LYPLAL1: variants seen among roughly 807,000 people sequenced by gnomAD.
LYPLAL1 encodes lysophospholipase like 1.
LYPLAL1 carries 23 observed loss-of-function variants against 19.7 expected under a neutral mutation model. The ratio of observed to expected loss-of-function variants is 1.17; its 90% CI spans 0.84 to 1.65. LYPLAL1 has a LOEUF of 1.65. LYPLAL1 is among the 40% of genes most tolerant of loss of function. The probability of loss-of-function intolerance (pLI) is 0.00; values close to 1 mark genes in which losing one functional copy is unlikely to be tolerated. For synonymous variants in LYPLAL1, 119 were observed against 96.3 expected (o/e 1.24, Z -1.38); for missense variants, 355 against 279.4 (o/e 1.27, Z -1.93).
At chr1:219,241,134 C>CTCTATATATA in the LYPLAL1 span, among the ~76,000 whole-genome samples, 66 of 44,354 alleles carry the variant, frequency 1.5e-3, no homozygotes, top group African/African-American at 2.2e-3. Flanking sequence ...CTCTCTCTCT[C>CTCTATATATA]TATATATATA....
the LYPLAL1 span, among the ~76,000 whole-genome samples, chr1:219,292,095 T>C: frequency 6.6e-6 from 1 of 152,146 alleles, no homozygotes; most frequent in Non-Finnish European, 1.5e-5. Context: ...CTCACCCGTC[T>C]TTTGCTCCTC....
downstream of LYPLAL1, among the ~76,000 whole-genome samples, chr1:219,216,041 G>T (rs1052804078): frequency 7.2e-5 from 11 of 151,936 alleles, no homozygotes; most frequent in African/African-American, 2.4e-4. Flanking sequence ...TTTTCCTTCT[G>T]CCTGAAATAC....
At chr1:219,381,402 A>G in the LYPLAL1 span, among the ~76,000 whole-genome samples, 1 of 152,236 alleles carries the variant, frequency 6.6e-6, no homozygotes. Flanking sequence ...ATGGACTAAC[A>G]CAAGCCCAAT....
chr1:219,369,820 C>T, the LYPLAL1 span, among the ~76,000 whole-genome samples: 78,970 of 152,022 alleles, frequency 0.52, 21,223 homozygotes, highest in East Asian at 0.84. Flanking sequence ...GACTGTGATA[C>T]GAATTAGAAC....
the LYPLAL1 span, among the ~76,000 whole-genome samples, chr1:219,373,665 T>C: frequency 6.6e-6 from 1 of 152,114 alleles, no homozygotes; most frequent in Admixed American, 6.6e-5. Flanking sequence ...ACACTTACAT[T>C]CATGCTTCTG....
In LYPLAL1 at chr1:219,179,155, G is replaced by A; in HGVS notation, c.100G>A (p.Gly34Arg). 6.2e-7 allele frequency: 1 copy of A among 1,604,744 alleles called. No homozygotes were observed. The highest frequency in any genetic ancestry group is 8.5e-7 in the Non-Finnish European group (1 of 1,176,194). The change falls in exon 2 of 5, where the codon GGA becomes AGA. Residue 34 changes from glycine (G) to arginine (R), a missense_variant. By Grantham distance (125) the Gly-to-Arg change is moderately radical. Transcript: ENST00000366928. ...LIFLHGSGDS[G>R]QGLRMWIKQV... ...ATTTTTTGATTCATCAGGTGATTCT[G>A]GACAAGGATTAAGAATGTGGATCAA... is the stretch of plus-strand genomic sequence containing the variant.
the LYPLAL1 span, among the ~76,000 whole-genome samples, chr1:219,316,424 G>A: frequency 6.6e-6 from 1 of 152,102 alleles, no homozygotes; most frequent in Non-Finnish European, 1.5e-5. Context: ...TGTCTTGTCT[G>A]GATTTAGTAT....
the LYPLAL1 span, among the ~76,000 whole-genome samples, chr1:219,362,951 C>CA: frequency 1.9e-3 from 269 of 141,704 alleles, no homozygotes; most frequent in South Asian, 3.3e-3. Flanking sequence ...TGGATGAATG[C>CA]AAAAAAAAAA....
the LYPLAL1 span, among the ~76,000 whole-genome samples, chr1:219,300,994 A>G: frequency 1.3e-5 from 2 of 151,910 alleles, no homozygotes; most frequent in African/African-American, 2.4e-5. Flanking sequence ...GGCCTAGATG[A>G]CAGGATCACT....
the LYPLAL1 span, among the ~76,000 whole-genome samples, chr1:219,350,674 A>G: frequency 6.6e-6 from 1 of 152,246 alleles, no homozygotes; most frequent in African/African-American, 2.4e-5. Flanking sequence ...CGATATGCAG[A>G]TGTTGGAGGT....
At chr1:219,296,923 T>C in the LYPLAL1 span, among the ~76,000 whole-genome samples, 1 of 152,108 alleles carries the variant, frequency 6.6e-6, no homozygotes, top group African/African-American at 2.4e-5. Flanking sequence ...TAAGCCAGGG[T>C]CTTTGGAAAA....
At chr1:219,272,257 C>T in the LYPLAL1 span, 1 of 152,352 alleles carries the variant, frequency 6.6e-6, no homozygotes, top group East Asian at 1.9e-4. Flanking sequence ...CACAGATCCA[C>T]AGAGAGTAGA....
the LYPLAL1 span, among the ~76,000 whole-genome samples, chr1:219,379,178 CTAAT>C: frequency 6.6e-6 from 1 of 152,300 alleles, no homozygotes; most frequent in Admixed American, 6.5e-5. Flanking sequence ...CTGTTAACCT[CTAAT>C]TCACTATTTT....
At chr1:219,234,794 T>C in the LYPLAL1 span, among the ~76,000 whole-genome samples, 111,023 of 151,976 alleles carry the variant, frequency 0.73, 41,353 homozygotes, top group East Asian at 0.93. Flanking sequence ...CTTAGGAACA[T>C]TTATTCATGT....
the LYPLAL1 span, among the ~76,000 whole-genome samples, chr1:219,261,975 A>T: frequency 2.6e-5 from 4 of 152,210 alleles, no homozygotes; most frequent in Non-Finnish European, 4.4e-5. Flanking sequence ...CTTTCTCAAG[A>T]ACACTAATTA....
chr1:219,331,692 A>T, the LYPLAL1 span, among the ~76,000 whole-genome samples: 1 of 152,206 alleles, frequency 6.6e-6, no homozygotes, highest in Non-Finnish European at 1.5e-5. Flanking sequence ...AGGGCCGGAC[A>T]CAATGAGAGA....
chr1:219,335,080 A>G, the LYPLAL1 span, among the ~76,000 whole-genome samples: 1 of 151,996 alleles, frequency 6.6e-6, no homozygotes, highest in African/African-American at 2.4e-5. Context: ...AAACTCTCAT[A>G]AATCAAGTCA....
In LYPLAL1 at chr1:219,190,891, C is replaced by T. The variant is rs576283983; in HGVS notation, c.192-2191C>T. On this transcript the variant is annotated intron_variant, in intron 2 of 4. Coordinates refer to ENST00000366928, the MANE Select transcript of LYPLAL1 (RefSeq NM_138794.5). ...ACTCAGTAGTTGCTTGGGAAGGTTA[C>T]GGGAGTTGCTCGTGAAGGGGCATGA... 1.9e-4 allele frequency among the ~76,000 whole-genome samples: 29 copies of T among 151,454 alleles called. No individual in the cohort carries two copies. The East Asian group carries it at 1.9e-3, about 10-fold the overall frequency.
chr1:219,374,609 A>T, the LYPLAL1 span, among the ~76,000 whole-genome samples: 4 of 152,194 alleles, frequency 2.6e-5, no homozygotes, highest in African/African-American at 9.7e-5. Context: ...GTTCCTATAG[A>T]CAGGATTTCT....
Sources: allele counts gnomAD v4.1 joint callset (sites outside exome capture counted in the v4.1 genomes callset), GRCh38; gene constraint gnomAD v4.1.1; transcripts MANE v1.5; gene names NCBI Gene and HGNC (gene_info 2026-07-23, HGNC 2026-07-21).